The following ABITRAM variants were observed in gnomAD, a reference collection of about 807,000 sequenced individuals.
ABITRAM encodes protein Abitram.
Under a neutral mutation model 22.9 loss-of-function variants are expected in ABITRAM, and 19 were observed. That is an observed-to-expected ratio of 0.83 (90% CI 0.58 to 1.22). The LOEUF (loss-of-function observed/expected upper bound fraction) is 1.22. Ranked by LOEUF, ABITRAM falls within the 50% of genes most tolerant of loss-of-function variation. The probability of loss-of-function intolerance (pLI) is 0.00; values close to 1 mark genes in which losing one functional copy is unlikely to be tolerated. For missense variants in ABITRAM, 215 were observed against 220.2 expected (o/e 0.98, Z 0.15); for synonymous variants, 70 against 73.9 (o/e 0.95, Z 0.27).
At chr9:108,937,500 C>G (rs1042720960) in intron 3 of ABITRAM, among the ~76,000 whole-genome samples, 3 of 152,166 alleles carry the variant, frequency 2.0e-5, no homozygotes, top group Admixed American at 6.5e-5. Context: ...CTAGGAGACC[C>G]TTATTCAAAC....
chr9:108,935,868 G>T (rs1830176931), intron 2 of ABITRAM, 179 bp downstream of exon 2: 1 of 582,656 alleles, frequency 1.7e-6, no homozygotes, highest in South Asian at 2.1e-5. Context: ...GAGTATTCCA[G>T]TGCCTGGCCA....
downstream of ABITRAM, chr9:108,944,090 A>G (rs1830328629): frequency 7.3e-7 from 1 of 1,376,406 alleles, no homozygotes; most frequent in Admixed American, 2.2e-5. Context: ...ATACTTACTA[A>G]TAATTTTTAC....
At chr9:108,936,276 A>T in intron 2 of ABITRAM, 32 bp from the exon 3 acceptor site, 1 of 1,602,938 alleles carries the variant, frequency 6.2e-7, no homozygotes, top group Non-Finnish European at 8.5e-7. Flanking sequence ...TATTCCAAGC[A>T]ATCACACAGG....
rs758782503 is a variant in ABITRAM at position 108,934,466 on chromosome 9, G to A, written c.-21G>A. The A allele has an allele frequency of 1.6e-5, 25 of 1,586,728 alleles. No homozygotes were observed. The highest frequency in any genetic ancestry group is 2.1e-5 in the Non-Finnish European group (24 of 1,168,506). On this transcript the variant is annotated 5_prime_UTR_variant, in exon 1 of 6. The change creates a new upstream start codon in the 5' untranslated region. Coordinates refer to ENST00000322940, the MANE Select transcript of ABITRAM (RefSeq NM_017832.4). The stretch of plus-strand genomic sequence containing the variant: ...AGCGCTGGGGTCCCGGAGGGCGGGG[G>A]TGGCGGCGCCGGAGGTCGCCATGGC...
At chr9:108,941,760 A>G (rs1391897738), downstream of ABITRAM, among the ~76,000 whole-genome samples, 1 of 152,196 alleles carries the variant, frequency 6.6e-6, no homozygotes, top group Admixed American at 6.5e-5. Flanking sequence ...AATGAATGTC[A>G]AAGCATTAAG....
At chr9:108,948,139 T>A in intron 3 of ABITRAM, 1 of 1,597,154 alleles carries the variant, frequency 6.3e-7, no homozygotes, top group African/African-American at 1.3e-5. Context: ...ATTACCCACT[T>A]TTAGCCCGAA....
In ABITRAM at chr9:108,939,595, A is replaced by G. The variant is rs1424669630; in HGVS notation, c.455A>G (p.Glu152Gly). The change falls in exon 6 of 6, where the codon GAA becomes GGA. Residue 152 changes from glutamate (E) to glycine (G), a missense_variant. Glu to Gly is a moderately conservative substitution (Grantham distance 98). Coordinates refer to ENST00000322940, the MANE Select transcript of ABITRAM (RefSeq NM_017832.4). ...YIAVVLPKFE[E>G]SKSITEGLLT... ...GCAGTTGTGTTACCCAAATTTGAAGAAAGTAAAAGCATAACAGAAGGGTTA... is the reference window on the plus strand; with the variant it reads ...GCAGTTGTGTTACCCAAATTTGAAGGAAGTAAAAGCATAACAGAAGGGTTA... The G allele has an allele frequency of 2.5e-6, 4 of 1,614,134 alleles. No individual in the cohort carries two copies. The East Asian group carries it at 8.9e-5, about 36-fold the overall frequency.
At chr9:108,935,321 A>G (rs940265812) in intron 1 of ABITRAM, among the ~76,000 whole-genome samples, 1 of 152,250 alleles carries the variant, frequency 6.6e-6, no homozygotes, top group African/African-American at 2.4e-5. Flanking sequence ...AATATATATC[A>G]TAAAGAACGG....
At chr9:108,938,110 T>G (rs1158798125) in intron 3 of ABITRAM, among the ~76,000 whole-genome samples, 1 of 152,032 alleles carries the variant, frequency 6.6e-6, no homozygotes, top group African/African-American at 2.4e-5. Context: ...TGCCAATCAT[T>G]CTCCCAAAGG....
In ABITRAM at chr9:108,934,443, C is replaced by T. The variant is rs2132061156; in HGVS notation, c.-44C>T. Reference sequence around the variant, plus strand: ...CCCAGTCCGGGCTGCGCGGAGGAAGCGCTGGGGTCCCGGAGGGCGGGGGTG... The same window carrying T: ...CCCAGTCCGGGCTGCGCGGAGGAAGTGCTGGGGTCCCGGAGGGCGGGGGTG... On this transcript the variant is annotated 5_prime_UTR_variant, in exon 1 of 6. Transcript: ENST00000322940. 4 of 1,541,944 alleles carry T rather than the reference C, an allele frequency of 2.6e-6. No homozygotes were observed. The highest frequency in any genetic ancestry group is 4.9e-5 in the East Asian group (2 of 40,454).
chr9:108,943,927 C>T (rs1474241976), downstream of ABITRAM: 30 of 1,607,080 alleles, frequency 1.9e-5, no homozygotes, highest in Non-Finnish European at 2.3e-5. Context: ...ATACATAATA[C>T]CACCACCAGC....
intron 3 of ABITRAM, among the ~76,000 whole-genome samples, chr9:108,946,297 C>CA (rs35064357): frequency 0.3 from 28,438 of 94,798 alleles, 3,891 homozygotes; most frequent in Admixed American, 0.4. Context: ...GACTAAGTCT[C>CA]AAAAAAAAAA....
chr9:108,947,549 G>A (rs1020381772), intron 3 of ABITRAM, among the ~76,000 whole-genome samples: 1 of 152,098 alleles, frequency 6.6e-6, no homozygotes, highest in African/African-American at 2.4e-5. Context: ...GCTAACATGG[G>A]GATCAGGGAA....
chr9:108,938,691 G>GA (rs68061115), intron 3 of ABITRAM, among the ~76,000 whole-genome samples: 20 of 107,168 alleles, frequency 1.9e-4, no homozygotes, highest in Non-Finnish European at 2.8e-4. Context: ...GAATTACAAA[G>GA]GGGGGGGGGG....
downstream of ABITRAM, chr9:108,943,745 C>T (rs1404228416): frequency 4.3e-6 from 7 of 1,613,652 alleles, no homozygotes; most frequent in Middle Eastern, 1.6e-4. Context: ...TAGTTACTGT[C>T]TGGAGCTGGT....
At chr9:108,947,591 A>C (rs2132083218) in intron 3 of ABITRAM, among the ~76,000 whole-genome samples, 1 of 152,338 alleles carries the variant, frequency 6.6e-6, no homozygotes, top group South Asian at 2.1e-4. Context: ...CCCACTTGCC[A>C]ATCTAAAGCC....
chr9:108,934,676 G>C (rs1277301783), intron 1 of ABITRAM, 111 bp downstream of exon 1: 9 of 1,024,196 alleles, frequency 8.8e-6, no homozygotes, highest in Non-Finnish European at 1.3e-5. Context: ...CCGTCCCCAC[G>C]TCAGAAGGCA....
chr9:108,946,168 G>A (rs762610761), intron 3 of ABITRAM, among the ~76,000 whole-genome samples: 8 of 151,830 alleles, frequency 5.3e-5, no homozygotes, highest in African/African-American at 9.7e-5. Flanking sequence ...GCGTGGTAGC[G>A]CACACCTGTA....
downstream of ABITRAM, chr9:108,942,502 T>C (rs1221860789): frequency 1.3e-5 from 6 of 475,660 alleles, no homozygotes; most frequent in South Asian, 6.9e-5. Flanking sequence ...CTTGAGACAG[T>C]TGGGATATTT....
Sources: gnomAD v4.1 joint callset for allele counts (sites outside exome capture counted in the v4.1 genomes callset) on GRCh38, gnomAD v4.1.1 for gene constraint, MANE v1.5 for transcripts, NCBI Gene and HGNC (gene_info 2026-07-23, HGNC 2026-07-21) for gene names.